The following ALK variants were observed in gnomAD, a reference collection of about 807,000 sequenced individuals.
ALK encodes the protein ALK receptor tyrosine kinase.
In ALK, 74 loss-of-function variants were observed where a neutral mutation model predicts 163.1. The observed-to-expected ratio is 0.45, with a 90% CI of 0.38 to 0.55. ALK has a LOEUF of 0.55. Ranked by LOEUF, ALK falls within the 20% of genes least tolerant of loss-of-function variation. The pLI is 0.00. For synonymous variants in ALK, 960 were observed against 843.2 expected, an observed-to-expected ratio of 1.14 and a Z score of -2.40; for missense variants, 2,063 against 2,105.3, an observed-to-expected ratio of 0.98 and a Z score of 0.39.
intron 4 of ALK, among the ~76,000 whole-genome samples, chr2:29,487,591 C>T (rs925324406): frequency 1.1e-4 from 17 of 152,136 alleles, no homozygotes; most frequent in African/African-American, 3.9e-4. Context: ...AACTGAGTGA[C>T]TTTGAGCAAC....
At chr2:29,219,830 G>A (rs1669753497) in intron 23 of ALK, among the ~76,000 whole-genome samples, 1 of 152,160 alleles carries the variant, frequency 6.6e-6, no homozygotes, top group African/African-American at 2.4e-5. Flanking sequence ...GGGATTCCTG[G>A]GTCCACCCTG....
chr2:29,291,123 G>A (rs1018583831), intron 9 of ALK, among the ~76,000 whole-genome samples: 1 of 152,198 alleles, frequency 6.6e-6, no homozygotes, highest in African/African-American at 2.4e-5. Context: ...AGCAGTTTGG[G>A]AGGCCCAGGC....
chr2:29,268,615 A>G (rs1665300168), intron 11 of ALK, among the ~76,000 whole-genome samples: 1 of 152,206 alleles, frequency 6.6e-6, no homozygotes, highest in Non-Finnish European at 1.5e-5. Flanking sequence ...CAGGGAAAGC[A>G]ATGATGTTGT....
intron 23 of ALK, among the ~76,000 whole-genome samples, chr2:29,216,384 C>T (rs1055912882): frequency 6.6e-6 from 1 of 152,082 alleles, no homozygotes; most frequent in Non-Finnish European, 1.5e-5. Flanking sequence ...CTACCAGTCT[C>T]TTTGTGTCTT....
At chr2:29,705,401 C>T (rs1283375734) in intron 2 of ALK, among the ~76,000 whole-genome samples, 2 of 151,110 alleles carry the variant, frequency 1.3e-5, no homozygotes, top group Non-Finnish European at 2.9e-5. Context: ...GATGCAGACA[C>T]AGCACTGTGT....
intron 4 of ALK, among the ~76,000 whole-genome samples, chr2:29,417,030 C>T (rs557282503): frequency 9.5e-5 from 13 of 136,894 alleles, no homozygotes; most frequent in African/African-American, 3.3e-4. Flanking sequence ...CTCTGTCACC[C>T]AGGCTGGAGT....
chr2:29,847,619 A>G (rs551259262), intron 1 of ALK, among the ~76,000 whole-genome samples: 3 of 152,178 alleles, frequency 2.0e-5, no homozygotes, highest in Admixed American at 6.5e-5. Flanking sequence ...GGTGAACATG[A>G]CAATCTAGTT....
intron 4 of ALK, among the ~76,000 whole-genome samples, chr2:29,489,451 C>T (rs1303136142): frequency 6.6e-6 from 1 of 152,066 alleles, no homozygotes; most frequent in African/African-American, 2.4e-5. Context: ...AGGTGCACAC[C>T]ACCTTGCCCA....
At chr2:29,592,571 G>C (rs1163350907) in intron 3 of ALK, among the ~76,000 whole-genome samples, 1 of 152,164 alleles carries the variant, frequency 6.6e-6, no homozygotes, top group Non-Finnish European at 1.5e-5. Flanking sequence ...TTCCTGGCTA[G>C]TTTTCATGTT....
At chr2:29,361,475 C>T (rs778363619) in intron 5 of ALK, among the ~76,000 whole-genome samples, 6 of 152,266 alleles carry the variant, frequency 3.9e-5, no homozygotes, top group East Asian at 1.9e-4. Flanking sequence ...AATCCTGGCG[C>T]GTAGGAAATG....
chr2:29,263,749 C>G (rs182454073), intron 11 of ALK, among the ~76,000 whole-genome samples: 59 of 152,250 alleles, frequency 3.9e-4, no homozygotes, highest in African/African-American at 1.4e-3. Flanking sequence ...CATGAGGCAA[C>G]AAGCATGAAG....
intron 1 of ALK, among the ~76,000 whole-genome samples, chr2:29,766,264 G>A (rs1230125650): frequency 6.6e-6 from 1 of 152,054 alleles, no homozygotes; most frequent in Admixed American, 6.5e-5. Flanking sequence ...ATCTGGTATG[G>A]ATCCTTTTGC....
intron 3 of ALK, among the ~76,000 whole-genome samples, chr2:29,652,066 A>G (rs1677054624): frequency 1.3e-5 from 2 of 152,292 alleles, no homozygotes; most frequent in African/African-American, 2.4e-5. Flanking sequence ...GAGAGCTGGT[A>G]AAGGGAAGGT....
chr2:29,385,984 G>A (rs1031047453), intron 4 of ALK, among the ~76,000 whole-genome samples: 4 of 152,108 alleles, frequency 2.6e-5, no homozygotes, highest in African/African-American at 7.2e-5. Context: ...ACAGTAAATC[G>A]GGGGCCCATT....
chr2:29,385,987 G>A (rs965753012), intron 4 of ALK, among the ~76,000 whole-genome samples: 7 of 152,136 alleles, frequency 4.6e-5, no homozygotes, highest in African/African-American at 1.4e-4. Flanking sequence ...GTAAATCGGG[G>A]GCCCATTTCT....
intron 2 of ALK, among the ~76,000 whole-genome samples, chr2:29,702,491 A>G (rs1678773441): frequency 6.6e-6 from 1 of 152,156 alleles, no homozygotes; most frequent in Non-Finnish European, 1.5e-5. Flanking sequence ...CATCACCAAG[A>G]TCTAAGTCTG....
At chr2:29,721,335 A>G (rs2541198) in intron 1 of ALK, among the ~76,000 whole-genome samples, 132,064 of 152,122 alleles carry the variant, frequency 0.87, 57,514 homozygotes, top group African/African-American at 0.92. Flanking sequence ...TGGAGCAGGT[A>G]GATGTGGTAG....
intron 1 of ALK, among the ~76,000 whole-genome samples, chr2:29,814,442 C>T (rs1369099933): frequency 5.9e-5 from 9 of 151,760 alleles, no homozygotes; most frequent in African/African-American, 1.5e-4. Flanking sequence ...GGGCGGATCA[C>T]GAGGTCAGGA....
chr2:29,623,350 T>C (rs189882074), intron 3 of ALK, among the ~76,000 whole-genome samples: 1 of 152,344 alleles, frequency 6.6e-6, no homozygotes, highest in Admixed American at 6.5e-5. Flanking sequence ...TCTGATAAAA[T>C]GTTTTGCAAC....
Sources: allele counts gnomAD v4.1 joint callset (sites outside exome capture counted in the v4.1 genomes callset), GRCh38; gene constraint gnomAD v4.1.1; transcripts MANE v1.5; gene names NCBI Gene and HGNC (gene_info 2026-07-23, HGNC 2026-07-21).